Variants in ZCWPW2 observed in about 807,000 individuals in gnomAD.
ZCWPW2 encodes zinc finger CW-type PWWP domain protein 2.
ZCWPW2 carries 45 observed loss-of-function variants against 46.6 expected under a neutral mutation model. The ratio of observed to expected loss-of-function variants is 0.96; its 90% CI spans 0.76 to 1.24. ZCWPW2 has a LOEUF of 1.24. Among genes scored for constraint, ZCWPW2 ranks in the 50% most tolerant of loss-of-function variants. The probability of loss-of-function intolerance (pLI) is 0.00; values close to 1 mark genes in which losing one functional copy is unlikely to be tolerated. For synonymous variants in ZCWPW2, 152 were observed against 137.1 expected, an observed-to-expected ratio of 1.11 and a Z score of -0.76; for missense variants, 429 against 403.9, an observed-to-expected ratio of 1.06 and a Z score of -0.53.
At chr3:28,518,115 G>C (rs1700623797) in intron 8 of ZCWPW2, among the ~76,000 whole-genome samples, 1 of 118,796 alleles carries the variant, frequency 8.4e-6, no homozygotes, top group Non-Finnish European at 1.6e-5. Context: ...CAGCCTGAGT[G>C]ACAGAGTGAG....
intron 1 of ZCWPW2, among the ~76,000 whole-genome samples, chr3:28,375,975 T>TA (rs72582183): frequency 0.49 from 3,989 of 8,198 alleles, 155 homozygotes; most frequent in African/African-American, 0.51. Context: ...TGGATCTCAT[T>TA]CTTTTTTTTA....
At chr3:28,371,809 A>T (rs1705342486) in intron 1 of ZCWPW2, among the ~76,000 whole-genome samples, 2 of 152,080 alleles carry the variant, frequency 1.3e-5, no homozygotes, top group African/African-American at 4.8e-5. Flanking sequence ...TTGGTGGCGG[A>T]TGTGGTCATG....
At chr3:28,451,816 C>T (rs1446158403) in intron 4 of ZCWPW2, among the ~76,000 whole-genome samples, 1 of 152,086 alleles carries the variant, frequency 6.6e-6, no homozygotes, top group Admixed American at 6.6e-5. Context: ...GATTTATTAG[C>T]CGACACACTG....
chr3:28,422,810 T>TCTTCCAAAGTGGCTGTATTATTTTGC (rs1696849200), intron 3 of ZCWPW2, among the ~76,000 whole-genome samples: 1 of 152,156 alleles, frequency 6.6e-6, no homozygotes, highest in African/African-American at 2.4e-5. Flanking sequence ...TGCTAAACTG[T>TCTTCCAAAGTGGCTGTATTATTTTGC]CTTCCAAAGT....
chr3:28,458,652 G>T (rs982546999), intron 4 of ZCWPW2, among the ~76,000 whole-genome samples: 5 of 151,934 alleles, frequency 3.3e-5, no homozygotes, highest in Non-Finnish European at 5.9e-5. Flanking sequence ...AATTTACATC[G>T]GGGCATCTGC....
intron 5 of ZCWPW2, among the ~76,000 whole-genome samples, chr3:28,482,851 A>AT (rs1010759117): frequency 6.6e-6 from 1 of 151,918 alleles, no homozygotes; most frequent in Non-Finnish European, 1.5e-5. Context: ...CGGATTGTTC[A>AT]TTTTTTTGCT....
chr3:28,421,834 T>TTGTGTGTGTGTGTGTGTG (rs71087697), intron 3 of ZCWPW2, among the ~76,000 whole-genome samples: 1 of 133,838 alleles, frequency 7.5e-6, no homozygotes, highest in Non-Finnish European at 1.6e-5. Context: ...GGAGAATAGT[T>TTGTGTGTGTGTGTGTGTG]TGTGTGTGTG....
chr3:28,427,154 C>T (rs542395662), intron 3 of ZCWPW2, among the ~76,000 whole-genome samples: 14 of 152,174 alleles, frequency 9.2e-5, no homozygotes, highest in Non-Finnish European at 2.1e-4. Context: ...TTGGGTTGCC[C>T]ACTCCTCTCC....
At chr3:28,375,925 A>G (rs1027029132) in intron 1 of ZCWPW2, among the ~76,000 whole-genome samples, 2 of 152,064 alleles carry the variant, frequency 1.3e-5, no homozygotes, top group Non-Finnish European at 2.9e-5. Context: ...ATTTCTCTTA[A>G]TAACATAATG....
At chr3:28,405,818 G>T (rs1030030441) in intron 2 of ZCWPW2, among the ~76,000 whole-genome samples, 5 of 152,110 alleles carry the variant, frequency 3.3e-5, no homozygotes, top group African/African-American at 1.2e-4. Flanking sequence ...AGAAAGAAAA[G>T]AGGAGTGCAA....
intron 3 of ZCWPW2, among the ~76,000 whole-genome samples, chr3:28,427,229 G>A (rs562468428): frequency 1.4e-4 from 21 of 152,312 alleles, no homozygotes; most frequent in African/African-American, 4.8e-4. Flanking sequence ...GAAAAATAGA[G>A]AAATGGAAGT....
At chr3:28,360,412 A>T (rs1013462993) in intron 1 of ZCWPW2, among the ~76,000 whole-genome samples, 5 of 150,498 alleles carry the variant, frequency 3.3e-5, no homozygotes, top group African/African-American at 9.8e-5. Flanking sequence ...AGTTCCAGCT[A>T]CTTGGGAGGC....
intron 3 of ZCWPW2, among the ~76,000 whole-genome samples, chr3:28,420,741 G>A (rs1696741777): frequency 2.0e-5 from 3 of 151,720 alleles, no homozygotes; most frequent in Admixed American, 2.0e-4. Context: ...CTTTATATTA[G>A]ACTCTACTGT....
At chr3:28,386,263 C>T (rs142205120) in intron 1 of ZCWPW2, among the ~76,000 whole-genome samples, 8 of 152,186 alleles carry the variant, frequency 5.3e-5, no homozygotes, top group East Asian at 1.9e-4. Flanking sequence ...CTTGCATACA[C>T]GCCAAAGAAA....
chr3:28,422,669 T>C (rs2125749468), intron 3 of ZCWPW2, among the ~76,000 whole-genome samples: 1 of 152,326 alleles, frequency 6.6e-6, no homozygotes, highest in South Asian at 2.1e-4. Flanking sequence ...TGAATAAAGC[T>C]TCTATACACA....
At chr3:28,398,720 G>T (rs978827150) in intron 2 of ZCWPW2, among the ~76,000 whole-genome samples, 2 of 152,164 alleles carry the variant, frequency 1.3e-5, no homozygotes, top group Admixed American at 1.3e-4. Context: ...GTCCTTACCT[G>T]GAGCTGAGTC....
chr3:28,402,478 C>T (rs902260819), intron 2 of ZCWPW2, among the ~76,000 whole-genome samples: 7 of 151,988 alleles, frequency 4.6e-5, no homozygotes, highest in South Asian at 2.1e-4. Flanking sequence ...GCCAGACATT[C>T]AAAGAATTGG....
At chr3:28,363,071 GGA>G (rs1229295930) in intron 1 of ZCWPW2, among the ~76,000 whole-genome samples, 3 of 148,144 alleles carry the variant, frequency 2.0e-5, no homozygotes, top group African/African-American at 7.4e-5. Flanking sequence ...GGGGAGGGTG[GGA>G]GGGAGAGGTT....
chr3:28,507,384 T>C (rs973424335), intron 6 of ZCWPW2, among the ~76,000 whole-genome samples: 1 of 152,204 alleles, frequency 6.6e-6, no homozygotes, highest in Non-Finnish European at 1.5e-5. Flanking sequence ...TTTTACTTTA[T>C]ATTCAAACAT....
Sources: gnomAD v4.1 joint callset for allele counts (sites outside exome capture counted in the v4.1 genomes callset) on GRCh38, gnomAD v4.1.1 for gene constraint, MANE v1.5 for transcripts, NCBI Gene and HGNC (gene_info 2026-07-23, HGNC 2026-07-21) for gene names.